CERKL: variants seen among roughly 807,000 people sequenced by gnomAD.
CERKL encodes the protein CERK like autophagy regulator.
CERKL carries 61 observed loss-of-function variants against 63.4 expected under a neutral mutation model. The observed-to-expected ratio is 0.96, with a 90% confidence interval of 0.78 to 1.19. CERKL has a LOEUF of 1.19. CERKL is among the 50% of genes most tolerant of loss of function. The probability of loss-of-function intolerance (pLI) is 0.00; values close to 1 mark genes in which losing one functional copy is unlikely to be tolerated. For synonymous variants in CERKL, 250 were observed against 230.5 expected (o/e 1.08, Z -0.77); for missense variants, 675 against 655.5 (o/e 1.03, Z -0.33).
chr2:181,554,147 G>C (rs892225880), intron 5 of CERKL, among the ~76,000 whole-genome samples: 2 of 140,622 alleles, frequency 1.4e-5, no homozygotes, highest in African/African-American at 5.4e-5. Flanking sequence ...TGAAATACCA[G>C]GGAGAAACTA....
chr2:181,656,523 G>C (rs1352172440), intron 1 of CERKL, among the ~76,000 whole-genome samples: 1 of 152,082 alleles, frequency 6.6e-6, no homozygotes, highest in Non-Finnish European at 1.5e-5. Context: ...CTCGGAGGCG[G>C]GAAAAGGCTA....
intron 1 of CERKL, among the ~76,000 whole-genome samples, chr2:181,608,718 C>G (rs1159037573): frequency 6.6e-6 from 1 of 152,058 alleles, no homozygotes; most frequent in Admixed American, 6.5e-5. Flanking sequence ...TCTAGGCATT[C>G]TAGTCAGTAC....
intron 2 of CERKL, among the ~76,000 whole-genome samples, chr2:181,574,115 T>C (rs889303190): frequency 6.6e-6 from 1 of 152,170 alleles, no homozygotes; most frequent in East Asian, 1.9e-4. Flanking sequence ...TAGAACAATA[T>C]ATTTAATTTA....
intron 1 of CERKL, among the ~76,000 whole-genome samples, chr2:181,618,689 G>A (rs886287962): frequency 1.2e-4 from 18 of 152,136 alleles, no homozygotes; most frequent in African/African-American, 4.1e-4. Context: ...TGAGATTACA[G>A]GTGTGGGCCA....
At chr2:181,583,828 G>A (rs1684641156) in intron 2 of CERKL, among the ~76,000 whole-genome samples, 1 of 152,182 alleles carries the variant, frequency 6.6e-6, no homozygotes, top group Non-Finnish European at 1.5e-5. Flanking sequence ...TTAAATGAAT[G>A]ATTCTTGATC....
At chr2:181,591,704 G>A (rs1684997235) in intron 2 of CERKL, among the ~76,000 whole-genome samples, 1 of 152,052 alleles carries the variant, frequency 6.6e-6, no homozygotes, top group African/African-American at 2.4e-5. Flanking sequence ...CAAATACAAA[G>A]GAGAGACACA....
chr2:181,655,972 CTT>C (rs1442256265), intron 1 of CERKL, among the ~76,000 whole-genome samples: 4 of 152,122 alleles, frequency 2.6e-5, no homozygotes, highest in Non-Finnish European at 4.4e-5. Flanking sequence ...GCAAAATGGT[CTT>C]TATAAAATAT....
intron 1 of CERKL, among the ~76,000 whole-genome samples, chr2:181,617,853 T>A (rs952704208): frequency 6.6e-6 from 1 of 152,220 alleles, no homozygotes; most frequent in Non-Finnish European, 1.5e-5. Flanking sequence ...AAGGACAATA[T>A]CCACAATTAT....
chr2:181,656,877 C>A lies in CERKL; in HGVS notation c.130G>T (p.Glu44Ter). The change falls in exon 1 of 13, where the codon GAG becomes TAG. Residue 44 changes from glutamate (E) to a stop codon, truncating the protein, a stop_gained. Coordinates refer to ENST00000410087, the MANE Select transcript of CERKL (RefSeq NM_201548.5). LOFTEE classifies it high-confidence loss of function. The part of the protein sequence containing the change: ...TSPQQTEAAA[E>*]RILLRGIFEI... The stretch of plus-strand genomic sequence containing the variant: ...AAGATGCCCCGGAGCAGAATCCGCT[C>A]GGCCGCCGCCTCCGTCTGCTGCGGG... The A allele has an allele frequency of 6.2e-7, 1 of 1,605,458 alleles. No homozygotes were observed.
chr2:181,562,982 A>AT (rs750263546), intron 4 of CERKL, among the ~76,000 whole-genome samples: 77 of 152,172 alleles, frequency 5.1e-4, no homozygotes, highest in Admixed American at 3.5e-3. Flanking sequence ...TAACTCAACA[A>AT]TTTTTTTAAA....
chr2:181,642,466 ACTG>A (rs753384068), intron 1 of CERKL, among the ~76,000 whole-genome samples: 102 of 152,296 alleles, frequency 6.7e-4, no homozygotes, highest in African/African-American at 2.3e-3. Context: ...TATCTTTTAA[ACTG>A]CTAAGTGTCA....
chr2:181,644,551 C>T lies in CERKL; in HGVS notation c.238+12218G>A, dbSNP rs1220406517. Among the ~76,000 whole-genome samples, 3 of 152,330 alleles carry T rather than the reference C, an allele frequency of 2.0e-5. No individual in the cohort carries two copies. The East Asian group carries it at 5.8e-4, about 29-fold the overall frequency. ...AGCATCCTAATCTATTTAAGCCCTG[C>T]TCAGTATTTTCTACTCTGCAGCTGA... On this transcript the variant is annotated intron_variant, in intron 1 of 12. Coordinates refer to ENST00000410087, the MANE Select transcript of CERKL (RefSeq NM_201548.5).
intron 11 of CERKL, among the ~76,000 whole-genome samples, chr2:181,540,850 C>T (rs1687475292): frequency 6.6e-6 from 1 of 152,080 alleles, no homozygotes; most frequent in Admixed American, 6.6e-5. Context: ...GTGTGGAGTT[C>T]AACAGAGGAA....
chr2:181,544,644 C>A (rs1173433018), intron 11 of CERKL, 56 bp downstream of exon 11: 3 of 1,021,342 alleles, frequency 2.9e-6, no homozygotes, highest in Admixed American at 2.0e-5. Flanking sequence ...CTTGCAGCAT[C>A]TTTTTCTACA....
At chr2:181,616,024 A>T (rs1040473969) in intron 1 of CERKL, among the ~76,000 whole-genome samples, 1 of 152,068 alleles carries the variant, frequency 6.6e-6, no homozygotes, top group African/African-American at 2.4e-5. Flanking sequence ...CCAATCGCAA[A>T]TGTCACATTG....
chr2:181,588,571 C>T (rs548775621), intron 2 of CERKL, among the ~76,000 whole-genome samples: 1 of 152,238 alleles, frequency 6.6e-6, no homozygotes, highest in South Asian at 2.1e-4. Flanking sequence ...AAATACAGTT[C>T]TCTTCAATAT....
chr2:181,583,129 A>C (rs888668618), intron 2 of CERKL, among the ~76,000 whole-genome samples: 6 of 152,010 alleles, frequency 3.9e-5, no homozygotes, highest in African/African-American at 1.4e-4. Context: ...AGTAACATCC[A>C]TTTAAAAATA....
intron 2 of CERKL, among the ~76,000 whole-genome samples, chr2:181,575,714 C>A (rs1039592034): frequency 1.3e-5 from 2 of 152,144 alleles, no homozygotes; most frequent in Non-Finnish European, 2.9e-5. Context: ...GAGCTAAATG[C>A]AGAGGGTTTT....
intron 1 of CERKL, among the ~76,000 whole-genome samples, chr2:181,638,616 C>T (rs1227755701): frequency 6.6e-6 from 1 of 152,176 alleles, no homozygotes; most frequent in Non-Finnish European, 1.5e-5. Flanking sequence ...TGAGGATGAA[C>T]TTGCCATGCC....
Sources: gnomAD v4.1 joint callset for allele counts (sites outside exome capture counted in the v4.1 genomes callset) on GRCh38, gnomAD v4.1.1 for gene constraint, MANE v1.5 for transcripts, NCBI Gene and HGNC (gene_info 2026-07-23, HGNC 2026-07-21) for gene names.